Variants in ASTN2 observed in about 807,000 individuals in gnomAD.
ASTN2 encodes astrotactin 2.
In ASTN2, 54 loss-of-function variants were observed where a neutral mutation model predicts 139.8. The observed-to-expected ratio is 0.39, with a 90% CI of 0.31 to 0.48. ASTN2 has a LOEUF of 0.48. ASTN2 is among the 20% of genes least tolerant of loss of function. The pLI is 0.95. For missense variants in ASTN2, 1,565 were observed against 1,725.1 expected (o/e 0.91, Z 1.64); for synonymous variants, 756 against 719.5 (o/e 1.05, Z -0.81).
At chr9:116,510,642 T>C (rs1215472695) in intron 19 of ASTN2, among the ~76,000 whole-genome samples, 2 of 152,226 alleles carry the variant, frequency 1.3e-5, no homozygotes, top group Non-Finnish European at 2.9e-5. Flanking sequence ...GAGCATGGAA[T>C]GTTCTTCCAT....
At chr9:117,122,750 GT>G (rs768191683) in intron 4 of ASTN2, among the ~76,000 whole-genome samples, 102 of 152,264 alleles carry the variant, frequency 6.7e-4, no homozygotes, top group Non-Finnish European at 9.1e-4. Flanking sequence ...ATTGCTGGTG[GT>G]GGGTTTATGG....
intron 17 of ASTN2, among the ~76,000 whole-genome samples, chr9:116,625,487 G>A (rs1218653147): frequency 1.3e-5 from 2 of 152,058 alleles, no homozygotes; most frequent in Non-Finnish European, 2.9e-5. Context: ...CCCTGGTGCC[G>A]CCCATTCTAT....
intron 20 of ASTN2, among the ~76,000 whole-genome samples, chr9:116,449,171 C>T (rs553122681): frequency 5.3e-5 from 8 of 152,134 alleles, no homozygotes; most frequent in African/African-American, 1.2e-4. Context: ...TTTGGGAGAC[C>T]GAGGCAGGTG....
At chr9:117,399,984 C>T (rs374174893) in intron 1 of ASTN2, among the ~76,000 whole-genome samples, 17 of 152,332 alleles carry the variant, frequency 1.1e-4, no homozygotes, top group African/African-American at 3.6e-4. Flanking sequence ...TTCATTTATT[C>T]ATTCAACAAA....
chr9:117,297,216 C>A (rs944979299), intron 1 of ASTN2, among the ~76,000 whole-genome samples: 1 of 152,182 alleles, frequency 6.6e-6, no homozygotes, highest in Non-Finnish European at 1.5e-5. Context: ...GAGAAAGCTT[C>A]CAATGAGTTT....
chr9:116,563,376 A>AAAAAAT (rs201744424), intron 19 of ASTN2, among the ~76,000 whole-genome samples: 16,878 of 111,306 alleles, frequency 0.15, 1,220 homozygotes, highest in African/African-American at 0.26. Context: ...CTCTGTCTCA[A>AAAAAAT]AAAAATAAAA....
intron 5 of ASTN2, among the ~76,000 whole-genome samples, chr9:117,064,971 G>A (rs551609721): frequency 6.6e-6 from 1 of 152,028 alleles, no homozygotes; most frequent in African/African-American, 2.4e-5. Context: ...TGGAAAAAAG[G>A]GTCTTTGCAG....
At chr9:117,094,135 TAAGG>T in intron 5 of ASTN2, among the ~76,000 whole-genome samples, 1 of 12,786 alleles carries the variant, frequency 7.8e-5, no homozygotes, top group Non-Finnish European at 1.7e-4. Context: ...AGGGAGGGAC[TAAGG>T]GAGGGAGGGA....
At chr9:117,192,159 T>C (rs976154673) in intron 3 of ASTN2, among the ~76,000 whole-genome samples, 1 of 152,160 alleles carries the variant, frequency 6.6e-6, no homozygotes, top group African/African-American at 2.4e-5. Flanking sequence ...GCCAAGCTCC[T>C]GTCTGTTGGA....
intron 19 of ASTN2, among the ~76,000 whole-genome samples, chr9:116,508,131 T>C (rs976462909): frequency 6.6e-5 from 10 of 152,136 alleles, no homozygotes; most frequent in African/African-American, 9.7e-5. Flanking sequence ...CCTCAGGTGA[T>C]CCACCCGCCT....
chr9:116,614,013 GCA>G (rs1855698330), intron 19 of ASTN2, among the ~76,000 whole-genome samples: 2 of 152,286 alleles, frequency 1.3e-5, no homozygotes, highest in Admixed American at 6.5e-5. Context: ...AAGCTGATAA[GCA>G]ACTTCAGCAA....
chr9:116,524,751 A>G (rs1485604563), intron 19 of ASTN2, among the ~76,000 whole-genome samples: 1 of 152,206 alleles, frequency 6.6e-6, no homozygotes, highest in Non-Finnish European at 1.5e-5. Context: ...CATGACTTTC[A>G]CATGAAAGTT....
At chr9:116,911,662 T>C (rs1257499258) in intron 10 of ASTN2, among the ~76,000 whole-genome samples, 1 of 152,176 alleles carries the variant, frequency 6.6e-6, no homozygotes, top group Non-Finnish European at 1.5e-5. Flanking sequence ...CCCAGCACTT[T>C]GGGAGGCCGA....
chr9:117,068,799 G>C (rs1363032792), intron 5 of ASTN2, among the ~76,000 whole-genome samples: 2 of 135,062 alleles, frequency 1.5e-5, no homozygotes, highest in Non-Finnish European at 3.3e-5. Flanking sequence ...TTTGCGTACA[G>C]GTGTTTGTAG....
intron 16 of ASTN2, among the ~76,000 whole-genome samples, chr9:116,696,579 T>C (rs1244229840): frequency 1.3e-5 from 2 of 152,218 alleles, no homozygotes; most frequent in Non-Finnish European, 2.9e-5. Context: ...AAATGTCATC[T>C]TCCCTTTGAA....
chr9:117,368,211 C>CAGGG (rs1167404167), intron 1 of ASTN2, among the ~76,000 whole-genome samples: 1 of 152,002 alleles, frequency 6.6e-6, no homozygotes, highest in Non-Finnish European at 1.5e-5. Context: ...AAATAGCTTC[C>CAGGG]AGGGATCTAG....
chr9:117,072,568 G>A (rs781049556), intron 5 of ASTN2, among the ~76,000 whole-genome samples: 4 of 152,156 alleles, frequency 2.6e-5, no homozygotes, highest in African/African-American at 4.8e-5. Context: ...CAATGGAATC[G>A]TCAATTTGAA....
chr9:116,954,677 G>T (rs1402563073), intron 10 of ASTN2, among the ~76,000 whole-genome samples: 1 of 152,080 alleles, frequency 6.6e-6, no homozygotes, highest in Non-Finnish European at 1.5e-5. Flanking sequence ...AAAAAAACAG[G>T]TGATGGGCCA....
At chr9:117,355,801 G>A (rs532053571) in intron 1 of ASTN2, among the ~76,000 whole-genome samples, 57 of 152,296 alleles carry the variant, frequency 3.7e-4, no homozygotes, top group African/African-American at 1.4e-3. Flanking sequence ...GGAGGCAGAG[G>A]CCGGCTTGCA....
Sources: gnomAD v4.1 joint callset for allele counts (sites outside exome capture counted in the v4.1 genomes callset) on GRCh38, gnomAD v4.1.1 for gene constraint, MANE v1.5 for transcripts, NCBI Gene and HGNC (gene_info 2026-07-23, HGNC 2026-07-21) for gene names.